CLIP2: variants seen among roughly 807,000 people sequenced by gnomAD.
The protein encoded by CLIP2 is CAP-Gly domain-containing linker protein 2.
In CLIP2, 41 loss-of-function variants were observed where a neutral mutation model predicts 111.7. That is an observed-to-expected ratio of 0.37 (90% CI 0.29 to 0.48). CLIP2 has a LOEUF of 0.48. Among genes scored for constraint, CLIP2 ranks in the 20% least tolerant of loss-of-function variants. The pLI is 0.99. For missense variants in CLIP2, 1,160 were observed against 1,422.1 expected, an observed-to-expected ratio of 0.82 and a Z score of 2.96; for synonymous variants, 660 against 644.2, an observed-to-expected ratio of 1.02 and a Z score of -0.37.
At chr7:74,294,229 G>A (rs1788108403) in intron 1 of CLIP2, among the ~76,000 whole-genome samples, 1 of 152,204 alleles carries the variant, frequency 6.6e-6, no homozygotes, top group East Asian at 1.9e-4. Flanking sequence ...ACTGCGCCCA[G>A]CCAGAGCCTC....
chr7:74,368,860 CA>C (rs1790527757), intron 8 of CLIP2, among the ~76,000 whole-genome samples: 5 of 152,210 alleles, frequency 3.3e-5, no homozygotes. Flanking sequence ...TTATTTCAGC[CA>C]TGCCCTGACC....
At chr7:74,342,735 G>A (rs1406800240) in intron 3 of CLIP2, among the ~76,000 whole-genome samples, 1 of 151,992 alleles carries the variant, frequency 6.6e-6, no homozygotes, top group Non-Finnish European at 1.5e-5. Flanking sequence ...GCAACATGGT[G>A]AAACCTCACC....
chr7:74,362,528 C>CTTTTTTTTTTTTTTTTTTTGTT (rs3044338), intron 7 of CLIP2, among the ~76,000 whole-genome samples: 1 of 121,978 alleles, frequency 8.2e-6, no homozygotes, highest in Admixed American at 9.6e-5. Context: ...TTTTTCTTTT[C>CTTTTTTTTTTTTTTTTTTTGTT]TTTTTTTTTT....
At chr7:74,317,260 T>A (rs1788806366) in intron 1 of CLIP2, among the ~76,000 whole-genome samples, 1 of 151,968 alleles carries the variant, frequency 6.6e-6, no homozygotes, top group South Asian at 2.1e-4. Flanking sequence ...CCTCTCTGTG[T>A]GTTTGTCCTG....
At chr7:74,390,822 C>T (rs927916267) in intron 13 of CLIP2, among the ~76,000 whole-genome samples, 1 of 151,652 alleles carries the variant, frequency 6.6e-6, no homozygotes, top group Non-Finnish European at 1.5e-5. Context: ...TCGAGGTGGG[C>T]AGATCACCTG....
chr7:74,367,380 C>T (rs543555896), intron 8 of CLIP2, among the ~76,000 whole-genome samples: 10 of 152,090 alleles, frequency 6.6e-5, no homozygotes, highest in East Asian at 1.9e-4. Context: ...TTAGTAGAGA[C>T]GAGGTTTCAC....
chr7:74,357,525 TAG>T (rs782255738), intron 6 of CLIP2, 48 bp downstream of exon 6: 3 of 1,555,542 alleles, frequency 1.9e-6, no homozygotes, highest in Admixed American at 1.9e-5. Context: ...GCCAGCCTCA[TAG>T]AGTCTCACCC....
In CLIP2 at chr7:74,373,032, A is replaced by G; in HGVS notation, c.1481A>G (p.Asn494Ser). The G allele has an allele frequency of 6.3e-7, 1 of 1,575,210 alleles. No homozygotes were observed. The highest frequency in any genetic ancestry group is 8.6e-7 in the Non-Finnish European group (1 of 1,161,336). The stretch of plus-strand genomic sequence containing the variant: ...CGGCTGCTCCGAGAATTAGCGGACA[A>G]CAGGGTAACCGCGCCACCGCACCCG... ...AERLLRELAD[N>S]RLTTVAEKSR... is the part of the protein sequence containing the mutation. The change falls in exon 9 of 17, where the codon AAC becomes AGC. Residue 494 changes from asparagine (N) to serine (S), a missense_variant. Transcript: ENST00000223398.
chr7:74,292,795 C>T (rs898884445), intron 1 of CLIP2, among the ~76,000 whole-genome samples: 2 of 152,164 alleles, frequency 1.3e-5, no homozygotes, highest in Admixed American at 1.3e-4. Context: ...CTGTGTCTGC[C>T]CTTGATGGAT....
Position 74,356,604 on chromosome 7 carries a change from G to A in CLIP2, c.998G>A (p.Arg333Gln), listed in dbSNP as rs1198212187. Residue 333 changes from arginine (R) to glutamine (Q), a missense_variant, in exon 5 of 17, where the codon CGG becomes CAG. Transcript: ENST00000223398. Reference sequence around the variant, plus strand: ...TCTGTGGCCTCCTCCGTGGGGGGTCGGCCCAGCCGCAGTGGCCTGGTGAGG... The same window carrying A: ...TCTGTGGCCTCCTCCGTGGGGGGTCAGCCCAGCCGCAGTGGCCTGGTGAGG... ...VSSVASSVGG[R>Q]PSRSGLLTET... 11 of 1,613,692 alleles carry A rather than the reference G, an allele frequency of 6.8e-6. No homozygotes were observed. The highest frequency in any genetic ancestry group is 2.2e-5 in the East Asian group (1 of 44,872).
At chr7:74,352,695 T>C (rs2116598134) in intron 3 of CLIP2, among the ~76,000 whole-genome samples, 1 of 69,650 alleles carries the variant, frequency 1.4e-5, no homozygotes, top group South Asian at 4.9e-4. Flanking sequence ...ATCAACACTG[T>C]CTCAAAAAAA....
chr7:74,333,482 C>A (rs1416513320), intron 2 of CLIP2, among the ~76,000 whole-genome samples: 2 of 145,118 alleles, frequency 1.4e-5, no homozygotes, highest in African/African-American at 5.2e-5. Context: ...CCTTGCCCAG[C>A]CTATTTTAAT....
At chr7:74,344,372 G>A (rs1026920414) in intron 3 of CLIP2, among the ~76,000 whole-genome samples, 1 of 151,960 alleles carries the variant, frequency 6.6e-6, no homozygotes, top group East Asian at 1.9e-4. Context: ...ACCTCACACT[G>A]GGCACTGTGC....
chr7:74,348,136 C>T (rs1584348227), intron 3 of CLIP2, among the ~76,000 whole-genome samples: 1 of 151,920 alleles, frequency 6.6e-6, no homozygotes, highest in Admixed American at 6.6e-5. Flanking sequence ...TGCCACTGCA[C>T]TCCAGCCTGG....
chr7:74,353,813 G>A, intron 3 of CLIP2, 67 bp from the exon 4 acceptor site: 2 of 1,610,666 alleles, frequency 1.2e-6, no homozygotes, highest in African/African-American at 1.3e-5. Context: ...GCCTGGGCTG[G>A]GTGCCCCTGC....
chr7:74,363,494 C>T (rs1262362046), intron 7 of CLIP2, among the ~76,000 whole-genome samples: 1 of 152,196 alleles, frequency 6.6e-6, no homozygotes, highest in Non-Finnish European at 1.5e-5. Flanking sequence ...GTGATGAGAA[C>T]AAGATCAACA....
At chr7:74,394,116 A>G (rs1214489060) in intron 13 of CLIP2, among the ~76,000 whole-genome samples, 1 of 151,478 alleles carries the variant, frequency 6.6e-6, no homozygotes. Flanking sequence ...CTGAAGCCAC[A>G]TTTCCTCTTT....
intron 2 of CLIP2, among the ~76,000 whole-genome samples, chr7:74,334,482 G>A (rs1303684051): frequency 6.6e-6 from 1 of 152,164 alleles, no homozygotes; most frequent in Non-Finnish European, 1.5e-5. Context: ...ACCAAGAATA[G>A]CCATGCTGGG....
At chr7:74,391,172 T>C (rs1034936463) in intron 13 of CLIP2, among the ~76,000 whole-genome samples, 2 of 152,210 alleles carry the variant, frequency 1.3e-5, no homozygotes, top group African/African-American at 4.8e-5. Flanking sequence ...TGGCATCTTT[T>C]TCCATGTTCC....
Sources: allele counts gnomAD v4.1 joint callset (sites outside exome capture counted in the v4.1 genomes callset), GRCh38; gene constraint gnomAD v4.1.1; transcripts MANE v1.5; gene names NCBI Gene and HGNC (gene_info 2026-07-23, HGNC 2026-07-21).